Variants in UTRN observed in about 807,000 individuals in gnomAD.
The protein encoded by UTRN is utrophin, also known as dystrophin-related protein 1.
Under a neutral mutation model 463.9 loss-of-function variants are expected in UTRN, and 283 were observed. That is an observed-to-expected ratio of 0.61 (90% CI 0.55 to 0.67). The LOEUF is 0.67. Ranked by LOEUF, UTRN falls within the 30% of genes least tolerant of loss-of-function variation. The pLI, the probability that UTRN is intolerant of heterozygous loss-of-function variation, is 0.00. For missense variants in UTRN, 3,922 were observed against 4,084.3 expected (o/e 0.96, Z 1.08); for synonymous variants, 1,442 against 1,431.5 (o/e 1.01, Z -0.17).
intron 74 of UTRN, 53 bp from the exon 75 acceptor site, chr6:144,850,936 T>G: frequency 2.5e-6 from 4 of 1,610,090 alleles, no homozygotes; most frequent in Non-Finnish European, 2.6e-6. Flanking sequence ...AGATCTCTGC[T>G]TCCTGTAATG....
At chr6:144,631,573 G>A (rs1055906416) in intron 51 of UTRN, among the ~76,000 whole-genome samples, 6 of 152,162 alleles carry the variant, frequency 3.9e-5, no homozygotes, top group Admixed American at 1.3e-4. Flanking sequence ...AGAGCTTGGC[G>A]TATGTATTGG....
intron 51 of UTRN, among the ~76,000 whole-genome samples, chr6:144,662,377 A>G (rs574667114): frequency 6.6e-6 from 1 of 152,334 alleles, no homozygotes; most frequent in African/African-American, 2.4e-5. Context: ...TTCTAGGGAA[A>G]GACCAAGGCC....
chr6:144,421,550 G>A (rs910977232), intron 3 of UTRN, among the ~76,000 whole-genome samples: 5 of 151,782 alleles, frequency 3.3e-5, no homozygotes, highest in Non-Finnish European at 7.4e-5. Flanking sequence ...TTAGCTGGGC[G>A]TGGTGGCGGG....
At chr6:144,690,659 A>C (rs1190432995) in intron 52 of UTRN, among the ~76,000 whole-genome samples, 1 of 152,182 alleles carries the variant, frequency 6.6e-6, no homozygotes, top group Non-Finnish European at 1.5e-5. Context: ...AGACAGGATC[A>C]GGAATGACTT....
chr6:144,575,052 T>G (rs1354322348), intron 50 of UTRN, among the ~76,000 whole-genome samples: 2 of 152,194 alleles, frequency 1.3e-5, no homozygotes, highest in Non-Finnish European at 2.9e-5. Flanking sequence ...TGCCAACCCT[T>G]GGTATAGTCA....
intron 14 of UTRN, among the ~76,000 whole-genome samples, chr6:144,445,205 G>A (rs1787542832): frequency 6.6e-6 from 1 of 151,970 alleles, no homozygotes; most frequent in Non-Finnish European, 1.5e-5. Flanking sequence ...ATAAAAATAA[G>A]CCAGGTGTGG....
At chr6:144,571,674 T>C (rs1479264721) in intron 50 of UTRN, among the ~76,000 whole-genome samples, 1 of 152,222 alleles carries the variant, frequency 6.6e-6, no homozygotes, top group Non-Finnish European at 1.5e-5. Flanking sequence ...CCAAACATTA[T>C]TACCAGCTAA....
chr6:144,446,544 G>A (rs749339349), intron 14 of UTRN, among the ~76,000 whole-genome samples: 3 of 152,256 alleles, frequency 2.0e-5, no homozygotes, highest in African/African-American at 4.8e-5. Flanking sequence ...ATGTAGCTAC[G>A]GTTGTTTTCC....
intron 2 of UTRN, among the ~76,000 whole-genome samples, chr6:144,387,356 C>T (rs925877240): frequency 1.3e-5 from 2 of 152,074 alleles, no homozygotes; most frequent in Non-Finnish European, 2.9e-5. Context: ...TTGTCCACTT[C>T]TTGAACTCCT....
intron 74 of UTRN, among the ~76,000 whole-genome samples, chr6:144,848,017 G>A (rs537197260): frequency 1.3e-5 from 2 of 152,138 alleles, no homozygotes; most frequent in East Asian, 1.9e-4. Flanking sequence ...GGCAAGAGAG[G>A]CTGGGATCTT....
chr6:144,428,663 C>G, intron 7 of UTRN, 115 bp from the exon 8 acceptor site: 1 of 557,606 alleles, frequency 1.8e-6, no homozygotes, highest in Non-Finnish European at 3.0e-6. Context: ...AAAATAAACT[C>G]AAAAAAACCT....
At chr6:144,440,239 A>G in intron 12 of UTRN, 113 bp from the exon 13 acceptor site, 1 of 1,095,168 alleles carries the variant, frequency 9.1e-7, no homozygotes, top group Non-Finnish European at 1.3e-6. Context: ...ATGATTGGAA[A>G]TTTAAATATG....
At chr6:144,466,105 T>C (rs568098424) in intron 23 of UTRN, among the ~76,000 whole-genome samples, 19 of 152,364 alleles carry the variant, frequency 1.2e-4, no homozygotes, top group African/African-American at 4.6e-4. Flanking sequence ...CAAATATTGC[T>C]AATTCCAATC....
intron 44 of UTRN, among the ~76,000 whole-genome samples, chr6:144,538,206 G>T: frequency 6.6e-6 from 1 of 152,060 alleles, no homozygotes; most frequent in South Asian, 2.1e-4. Context: ...AACAAGTATT[G>T]TTTATAGTTG....
intron 2 of UTRN, among the ~76,000 whole-genome samples, chr6:144,381,976 T>C: frequency 6.6e-6 from 1 of 152,236 alleles, no homozygotes; most frequent in East Asian, 1.9e-4. Flanking sequence ...CCACCAACAG[T>C]GTGTAAGTGT....
intron 51 of UTRN, among the ~76,000 whole-genome samples, chr6:144,670,940 T>C: frequency 6.6e-6 from 1 of 152,036 alleles, no homozygotes; most frequent in East Asian, 1.9e-4. Flanking sequence ...AAATCAGTTG[T>C]CTGTATGTAT....
chr6:144,810,447 C>A (rs1778510076), intron 65 of UTRN, among the ~76,000 whole-genome samples: 1 of 151,966 alleles, frequency 6.6e-6, no homozygotes, highest in Non-Finnish European at 1.5e-5. Context: ...TAATTATGAA[C>A]AAAATGTAAG....
intron 32 of UTRN, 120 bp downstream of exon 32, chr6:144,491,222 G>A (rs1562480245): frequency 5.4e-6 from 5 of 925,814 alleles, no homozygotes; most frequent in Non-Finnish European, 7.5e-6. Flanking sequence ...CTAAACATAA[G>A]GATTGATGAT....
intron 9 of UTRN, among the ~76,000 whole-genome samples, chr6:144,433,613 C>T (rs1449570780): frequency 1.3e-5 from 2 of 151,220 alleles, no homozygotes; most frequent in Non-Finnish European, 3.0e-5. Flanking sequence ...AGAGGGTCTC[C>T]TCACTTCTCA....
Sources: allele counts gnomAD v4.1 joint callset (sites outside exome capture counted in the v4.1 genomes callset), GRCh38; gene constraint gnomAD v4.1.1; transcripts MANE v1.5; gene names NCBI Gene and HGNC (gene_info 2026-07-23, HGNC 2026-07-21).